SMAD3: variants seen among roughly 807,000 people sequenced by gnomAD.
SMAD3 encodes SMAD family member 3, also known as MAD homolog 3.
Under a neutral mutation model 51.8 loss-of-function variants are expected in SMAD3, and 12 were observed. That is an observed-to-expected ratio of 0.23 (90% CI 0.15 to 0.38). The LOEUF is 0.38. SMAD3 is among the 10% of genes least tolerant of loss of function. The pLI is 1.00. For synonymous variants in SMAD3, 238 were observed against 227.7 expected, an observed-to-expected ratio of 1.05 and a Z score of -0.41; for missense variants, 294 against 565.6, an observed-to-expected ratio of 0.52 and a Z score of 4.87.
At chr15:67,082,592 G>A (rs1265523957) in intron 1 of SMAD3, among the ~76,000 whole-genome samples, 1 of 152,182 alleles carries the variant, frequency 6.6e-6, no homozygotes, top group East Asian at 1.9e-4. Flanking sequence ...TATATAGGAA[G>A]ACATAAAAAT....
At chr15:67,124,452 A>G (rs1248309935) in intron 1 of SMAD3, among the ~76,000 whole-genome samples, 1 of 15,644 alleles carries the variant, frequency 6.4e-5, no homozygotes, top group African/African-American at 3.4e-4. Flanking sequence ...AGTCTTTAGA[A>G]AAAAAAAAAT....
chr15:67,112,606 T>C (rs944692457), intron 1 of SMAD3, among the ~76,000 whole-genome samples: 1 of 134,450 alleles, frequency 7.4e-6, no homozygotes, highest in Non-Finnish European at 1.5e-5. Context: ...GTTTTTTCAC[T>C]CTCTTGATGG....
At chr15:67,081,824 G>A (rs1032733986) in intron 1 of SMAD3, among the ~76,000 whole-genome samples, 2 of 152,118 alleles carry the variant, frequency 1.3e-5, no homozygotes, top group African/African-American at 4.8e-5. Context: ...TGCAGTCAAT[G>A]ACAGAAATAA....
chr15:67,079,811 A>G (rs1423378989), intron 1 of SMAD3, among the ~76,000 whole-genome samples: 1 of 152,158 alleles, frequency 6.6e-6, no homozygotes, highest in Non-Finnish European at 1.5e-5. Context: ...TCAAGAAAGG[A>G]TGGCCATTGT....
intron 1 of SMAD3, among the ~76,000 whole-genome samples, chr15:67,124,555 G>C (rs1376535218): frequency 5.9e-5 from 9 of 152,208 alleles, no homozygotes; most frequent in African/African-American, 2.2e-4. Flanking sequence ...AAAAGAAAAA[G>C]ATTTTGGTTG....
chr15:67,153,393 G>C (rs1175892405), intron 1 of SMAD3, among the ~76,000 whole-genome samples: 3 of 151,428 alleles, frequency 2.0e-5, no homozygotes, highest in African/African-American at 7.3e-5. Context: ...GCAGAAGGCT[G>C]AGGCAGGAGA....
At chr15:67,083,695 T>C (rs967855966) in intron 1 of SMAD3, among the ~76,000 whole-genome samples, 2 of 152,210 alleles carry the variant, frequency 1.3e-5, no homozygotes, top group Non-Finnish European at 2.9e-5. Context: ...TAGGGACCCC[T>C]CAGCTCCAGC....
rs1460061147 is a variant in SMAD3 at position 67,183,022 on chromosome 15, T to C, written c.871+1569T>C. Among the ~76,000 whole-genome samples, 34 of 76,982 alleles carry C rather than the reference T, an allele frequency of 4.4e-4. 1 individual carries two copies. Among genetic ancestry groups the C allele is most frequent in the Middle Eastern group, 5.3e-3 (1 of 188 alleles). 50.5% of individuals were successfully genotyped at this position (76,982 alleles called of 152,430 possible). ...AAAAATATATATATATATATATATA[T>C]ATATATATATTTTTTTTTTTTTTTT... On this transcript the variant is annotated intron_variant, in intron 6 of 8. Coordinates refer to ENST00000327367, the MANE Select transcript of SMAD3 (RefSeq NM_005902.4).
At chr15:67,115,962 A>G (rs1961126034) in intron 1 of SMAD3, among the ~76,000 whole-genome samples, 1 of 152,144 alleles carries the variant, frequency 6.6e-6, no homozygotes, top group Non-Finnish European at 1.5e-5. Context: ...TCATCTCTGG[A>G]CTTCTGTAGA....
Position 67,116,184 on chromosome 15 carries a change from ACTGT to A in SMAD3, c.207-48707_207-48704del, listed in dbSNP as rs1375844224. ...GATTATGGAGATGGCAGTGGTTGAC[ACTGT>A]CTGAGAGCAGCTCCCAGATAAACCA... On this transcript the variant is annotated intron_variant, in intron 1 of 8. Transcript: ENST00000327367. 4.8e-4 allele frequency among the ~76,000 whole-genome samples: 73 copies of A among 152,226 alleles called. 2 individuals are homozygous for A. Among genetic ancestry groups the A allele is most frequent in the Admixed American group, 4.6e-3 (70 of 15,282 alleles).
chr15:67,184,270 TA>T lies in SMAD3; in HGVS notation c.872-447del, dbSNP rs368205462. Among the ~76,000 whole-genome samples, 750 of 149,022 alleles carry T rather than the reference TA, an allele frequency of 5.0e-3. 5 individuals are homozygous for T. Among genetic ancestry groups the T allele is most frequent in the Non-Finnish European group, 9.3e-3 (622 of 66,980 alleles). ...GGATATGCCACTATGCCCAGTTAAT[TA>T]AAAAAAAAATGTTTTTGTAGAGATG... On this transcript the variant is annotated intron_variant, in intron 6 of 8. Transcript: ENST00000327367.
intron 6 of SMAD3, among the ~76,000 whole-genome samples, chr15:67,182,036 C>T (rs2140315407): frequency 6.6e-6 from 1 of 152,288 alleles, no homozygotes; most frequent in East Asian, 1.9e-4. Context: ...ATCCACCTGC[C>T]TTGGCCTCCC....
intron 1 of SMAD3, among the ~76,000 whole-genome samples, chr15:67,142,006 C>T (rs1384900809): frequency 6.6e-6 from 1 of 152,122 alleles, no homozygotes; most frequent in African/African-American, 2.4e-5. Flanking sequence ...ATCATACAAA[C>T]CTCACAGGCT....
chr15:67,177,990 T>A (rs1480077603), intron 5 of SMAD3, among the ~76,000 whole-genome samples: 2 of 152,208 alleles, frequency 1.3e-5, no homozygotes, highest in Non-Finnish European at 2.9e-5. Flanking sequence ...AACAGCACTC[T>A]CTGAAATGGC....
At position 67,193,643 on chromosome 15, in the gene SMAD3, G is replaced by A. The variant is rs928304019; in HGVS notation, c.*3107G>A. On this transcript the variant is annotated 3_prime_UTR_variant, in exon 9 of 9. Transcript: ENST00000327367. ...TGACTCTTAGGAAGAGCACACATGAGGGCAAGGCTGCTGGCAGACGTCTCC... is the reference window on the plus strand; with the variant it reads ...TGACTCTTAGGAAGAGCACACATGAAGGCAAGGCTGCTGGCAGACGTCTCC... 3 of 233,330 alleles carry A rather than the reference G, an allele frequency of 1.3e-5. No individual in the cohort carries two copies. The highest frequency in any genetic ancestry group is 2.5e-5 in the Non-Finnish European group (3 of 117,920). The allele number at this position is 233,330 out of a possible 1,614,324, so 14.5% of individuals were successfully genotyped here.
At chr15:67,110,987 A>C (rs1394852487) in intron 1 of SMAD3, among the ~76,000 whole-genome samples, 1 of 152,246 alleles carries the variant, frequency 6.6e-6, no homozygotes, top group East Asian at 1.9e-4. Flanking sequence ...GAAAAATAAT[A>C]GCTTTATTGG....
intron 1 of SMAD3, among the ~76,000 whole-genome samples, chr15:67,093,133 C>T (rs1162877472): frequency 6.6e-6 from 1 of 152,182 alleles, no homozygotes; most frequent in Non-Finnish European, 1.5e-5. Flanking sequence ...TGTCTAGCCA[C>T]TTGTTAGAGG....
At chr15:67,087,815 G>C (rs955234281) in intron 1 of SMAD3, among the ~76,000 whole-genome samples, 1 of 152,156 alleles carries the variant, frequency 6.6e-6, no homozygotes, top group Non-Finnish European at 1.5e-5. Context: ...TATATTTTCT[G>C]GGCAGCAGAA....
At chr15:67,126,116 GT>G (rs1366678692) in intron 1 of SMAD3, 2 of 318,066 alleles carry the variant, frequency 6.3e-6, no homozygotes, top group Admixed American at 1.3e-4. Context: ...TCTTTTCTGG[GT>G]TCATCTTACC....
Sources: allele counts gnomAD v4.1 joint callset (sites outside exome capture counted in the v4.1 genomes callset), GRCh38; gene constraint gnomAD v4.1.1; transcripts MANE v1.5; gene names NCBI Gene and HGNC (gene_info 2026-07-23, HGNC 2026-07-21).